Variants in CDH13 observed in about 807,000 individuals in gnomAD.
The protein encoded by CDH13 is cadherin-13.
In CDH13, 24 loss-of-function variants were observed where a neutral mutation model predicts 63.8. The ratio of observed to expected loss-of-function variants is 0.38; its 90% CI spans 0.27 to 0.53. CDH13 has a LOEUF of 0.53. Ranked by LOEUF, CDH13 falls within the 20% of genes least tolerant of loss-of-function variation. The pLI is 0.85. For synonymous variants in CDH13, 503 were observed against 355.3 expected, an observed-to-expected ratio of 1.42 and a Z score of -4.67; for missense variants, 1,049 against 903.1, an observed-to-expected ratio of 1.16 and a Z score of -2.07.
intron 10 of CDH13, chr16:83,717,105 C>A (rs8050373): frequency 0.12 from 18,728 of 152,074 alleles, 1,422 homozygotes; most frequent in African/African-American, 0.21. Flanking sequence ...ACTAAAAATA[C>A]AAAAATTAGC....
intron 6 of CDH13, among the ~76,000 whole-genome samples, chr16:83,422,756 C>A (rs984223929): frequency 2.0e-5 from 3 of 152,082 alleles, no homozygotes; most frequent in Admixed American, 6.5e-5. Flanking sequence ...CCCAAAGTTG[C>A]CCCAACTTTA....
chr16:82,971,395 A>G (rs894370443), intron 2 of CDH13, among the ~76,000 whole-genome samples: 2 of 152,232 alleles, frequency 1.3e-5, no homozygotes, highest in East Asian at 3.8e-4. Flanking sequence ...TCCTTGTTGC[A>G]AGGTCTGTTC....
At chr16:83,389,985 A>C (rs941908346) in intron 6 of CDH13, among the ~76,000 whole-genome samples, 1 of 152,230 alleles carries the variant, frequency 6.6e-6, no homozygotes, top group African/African-American at 2.4e-5. Context: ...TTCAGTGATA[A>C]GAAAGTCAAC....
At chr16:83,650,397 C>T (rs192222777) in intron 8 of CDH13, among the ~76,000 whole-genome samples, 71 of 152,214 alleles carry the variant, frequency 4.7e-4, no homozygotes, top group Non-Finnish European at 8.1e-4. Flanking sequence ...TATGCTCTTC[C>T]AGCATTTTCC....
At chr16:83,048,683 C>T (rs764648328) in intron 3 of CDH13, among the ~76,000 whole-genome samples, 1 of 152,128 alleles carries the variant, frequency 6.6e-6, no homozygotes, top group Non-Finnish European at 1.5e-5. Flanking sequence ...CCGATTCTTC[C>T]TCCTTTTCAT....
intron 4 of CDH13, among the ~76,000 whole-genome samples, chr16:83,137,531 G>T (rs1567866430): frequency 6.6e-6 from 1 of 152,200 alleles, no homozygotes; most frequent in African/African-American, 2.4e-5. Flanking sequence ...TCTTTGTCTG[G>T]CAAGAAAAGC....
chr16:83,212,483 C>T (rs1164928016), intron 4 of CDH13, among the ~76,000 whole-genome samples: 2 of 152,182 alleles, frequency 1.3e-5, no homozygotes, highest in Non-Finnish European at 2.9e-5. Context: ...CTTTAACACA[C>T]GTAGAGATGT....
chr16:82,705,259 A>G, intron 1 of CDH13: 1 of 435,660 alleles, frequency 2.3e-6, no homozygotes, highest in Non-Finnish European at 4.6e-6. Flanking sequence ...GCACTTCAAG[A>G]GACCACGTTG....
chr16:83,179,433 C>T (rs1349699066), intron 4 of CDH13, among the ~76,000 whole-genome samples: 1 of 143,806 alleles, frequency 7.0e-6, no homozygotes, highest in Admixed American at 7.0e-5. Flanking sequence ...CACCTGAGAT[C>T]AGGAGATGGA....
rs201273906 is a variant in CDH13, at chr16:83,754,256, GA to G, written c.1681+6007del. Among the ~76,000 whole-genome samples, 1,058 of 152,288 alleles carry G rather than the reference GA, an allele frequency of 6.9e-3. 8 individuals carry two copies. Among genetic ancestry groups the G allele is most frequent in the African/African-American group, 0.024 (1,010 of 41,562 alleles). ...ATTTTGAAGGTACAAGGAGTTAAAG[GA>G]TGGGGTGTGGGATGGCTGGAGAGTT... On this transcript the variant is annotated intron_variant, in intron 11 of 13. Coordinates refer to ENST00000567109, the MANE Select transcript of CDH13 (RefSeq NM_001257.5).
intron 7 of CDH13, among the ~76,000 whole-genome samples, chr16:83,529,825 C>A (rs1256952093): frequency 3.9e-5 from 6 of 151,996 alleles, no homozygotes; most frequent in Non-Finnish European, 8.8e-5. Context: ...AACATTTGGT[C>A]AGGTGATTAT....
At chr16:83,087,706 C>G (rs1426616346) in intron 3 of CDH13, among the ~76,000 whole-genome samples, 1 of 139,876 alleles carries the variant, frequency 7.1e-6, no homozygotes, top group Non-Finnish European at 1.5e-5. Flanking sequence ...AAGCCTAGCA[C>G]CAAAGTATTA....
chr16:82,891,230 T>C (rs1013607128), intron 2 of CDH13, among the ~76,000 whole-genome samples: 5 of 152,136 alleles, frequency 3.3e-5, no homozygotes, highest in African/African-American at 4.8e-5. Flanking sequence ...GGAGAATCTA[T>C]GTTCTGTATC....
intron 4 of CDH13, among the ~76,000 whole-genome samples, chr16:83,172,879 C>G (rs1399740480): frequency 2.6e-5 from 4 of 152,100 alleles, no homozygotes; most frequent in Non-Finnish European, 5.9e-5. Flanking sequence ...TTCTACTGCA[C>G]TAAAAATTCT....
rs2091507966 is a variant in CDH13 at position 83,379,011 on chromosome 16, AC to A, written c.781+34006del. Among the ~76,000 whole-genome samples the A allele has an allele frequency of 1.1e-4, 16 of 151,432 alleles. 1 individual carries two copies. In the South Asian group the frequency reaches 3.3e-3, roughly 31 times the overall value. ...TGCATCTATATATATATATATACACACACACACACACACACGTGTGTGTATA... is the reference window on the plus strand; with the variant it reads ...TGCATCTATATATATATATATACACAACACACACACACACGTGTGTGTATA... On this transcript the variant is annotated intron_variant, in intron 6 of 13. Transcript: ENST00000567109.
chr16:82,698,190 A>T (rs1253511018), intron 1 of CDH13, among the ~76,000 whole-genome samples: 9 of 152,214 alleles, frequency 5.9e-5, no homozygotes, highest in Non-Finnish European at 1.0e-4. Context: ...GAGCTCTTGA[A>T]TTCTAAGGCA....
At chr16:82,995,824 A>C (rs1198857950) in intron 2 of CDH13, among the ~76,000 whole-genome samples, 1 of 152,158 alleles carries the variant, frequency 6.6e-6, no homozygotes, top group African/African-American at 2.4e-5. Context: ...GCATCCATTG[A>C]GGAGAAAGAT....
chr16:83,333,357 A>C (rs2090517781), intron 5 of CDH13, among the ~76,000 whole-genome samples: 1 of 152,198 alleles, frequency 6.6e-6, no homozygotes, highest in Non-Finnish European at 1.5e-5. Context: ...GCAGGTTTCT[A>C]CATAAAGATC....
intron 7 of CDH13, among the ~76,000 whole-genome samples, chr16:83,526,157 A>G (rs2074954435): frequency 6.6e-6 from 1 of 152,220 alleles, no homozygotes; most frequent in Admixed American, 6.5e-5. Flanking sequence ...TGCAGCCACC[A>G]CCTTCGAACC....
Sources: gnomAD v4.1 joint callset for allele counts (sites outside exome capture counted in the v4.1 genomes callset) on GRCh38, gnomAD v4.1.1 for gene constraint, MANE v1.5 for transcripts, NCBI Gene and HGNC (gene_info 2026-07-23, HGNC 2026-07-21) for gene names.